GRAMD1B: variants seen among roughly 807,000 people sequenced by gnomAD.
GRAMD1B encodes protein Aster-B.
Under a neutral mutation model 99.7 loss-of-function variants are expected in GRAMD1B, and 37 were observed. That is an observed-to-expected ratio of 0.37 (90% CI 0.29 to 0.49). GRAMD1B has a LOEUF of 0.49. Ranked by LOEUF, GRAMD1B falls within the 20% of genes least tolerant of loss-of-function variation. The probability of loss-of-function intolerance (pLI) is 0.98; values close to 1 mark genes in which losing one functional copy is unlikely to be tolerated. For missense variants in GRAMD1B, 888 were observed against 1,009.2 expected (o/e 0.88, Z 1.63); for synonymous variants, 427 against 387.6 (o/e 1.10, Z -1.19).
intron 2 of GRAMD1B, among the ~76,000 whole-genome samples, chr11:123,505,544 T>A (rs1175604627): frequency 6.6e-6 from 1 of 152,214 alleles, no homozygotes; most frequent in Non-Finnish European, 1.5e-5. Context: ...ACAACTCTAA[T>A]CCCTTTACAT....
At chr11:123,617,169 C>CTTTTTTTTTTTTTTT (rs34788392) in intron 17 of GRAMD1B, among the ~76,000 whole-genome samples, 3 of 133,674 alleles carry the variant, frequency 2.2e-5, no homozygotes, top group Admixed American at 7.6e-5. Context: ...TCTTTCTTTC[C>CTTTTTTTTTTTTTTT]TTTTTTTTTT....
intron 2 of GRAMD1B, among the ~76,000 whole-genome samples, chr11:123,487,601 T>C (rs1397487414): frequency 6.6e-6 from 1 of 152,128 alleles, no homozygotes; most frequent in African/African-American, 2.4e-5. Flanking sequence ...TACGTTTTTT[T>C]GTTTGTTTGA....
chr11:123,579,145 G>C (rs1349565395), intron 3 of GRAMD1B, among the ~76,000 whole-genome samples: 1 of 152,228 alleles, frequency 6.6e-6, no homozygotes, highest in African/African-American at 2.4e-5. Flanking sequence ...TGTGGCCAGT[G>C]CCAGAGTCTT....
chr11:123,468,094 CCTCGTGAT>C (rs1294247358), intron 1 of GRAMD1B, among the ~76,000 whole-genome samples: 3 of 152,002 alleles, frequency 2.0e-5, no homozygotes, highest in African/African-American at 7.3e-5. Context: ...AATCTCTTGA[CCTCGTGAT>C]CCACCCGCCT....
Position 123,430,626 on chromosome 11 carries a change from G to C in GRAMD1B, c.-167G>C. The stretch of plus-strand genomic sequence containing the variant: ...ACTCCGGGCGGCGGCGCGCTACGCC[G>C]CGTCCCCTCGCGTCCCTTCCTCGCT... On this transcript the variant is annotated 5_prime_UTR_variant, in exon 1 of 20. Transcript: ENST00000635736. 1 of 484,230 alleles carries C rather than the reference G, an allele frequency of 2.1e-6. No homozygotes were observed. The highest frequency in any genetic ancestry group is 3.6e-6 in the Non-Finnish European group (1 of 276,458). The allele number at this position is 484,230 out of a possible 1,614,324, so 30.0% of individuals were successfully genotyped here. A position where few individuals can be genotyped will look rare whatever the true frequency, so the allele number is the denominator to read the frequency against.
At chr11:123,433,068 G>C (rs1466094052) in intron 1 of GRAMD1B, among the ~76,000 whole-genome samples, 1 of 152,102 alleles carries the variant, frequency 6.6e-6, no homozygotes, top group Non-Finnish European at 1.5e-5. Flanking sequence ...AAAGTAGTTT[G>C]TCAGGCCAGG....
rs552680946 is a variant in GRAMD1B at position 123,507,672 on chromosome 11, A to G, written c.452+26779A>G. Among the ~76,000 whole-genome samples the G allele has an allele frequency of 1.9e-3, 284 of 152,354 alleles. 2 individuals carry two copies. The highest frequency in any genetic ancestry group is 2.4e-3 in the Non-Finnish European group (165 of 68,034). On this transcript the variant is annotated intron_variant, in intron 2 of 19. Coordinates refer to ENST00000635736, the MANE Select transcript of GRAMD1B (RefSeq NM_001387025.1). The stretch of plus-strand genomic sequence containing the variant: ...AAGCAATTTTCACTGTACATAGGAC[A>G]TAGGAGATTGGTTTAAATGTATATA...
intron 2 of GRAMD1B, among the ~76,000 whole-genome samples, chr11:123,491,113 ACC>A (rs1938509219): frequency 6.6e-6 from 1 of 152,094 alleles, no homozygotes; most frequent in South Asian, 2.1e-4. Flanking sequence ...TGGGTGGATC[ACC>A]TGAGGTCGGG....
chr11:123,596,141 G>A, intron 7 of GRAMD1B, 104 bp downstream of exon 7: 1 of 662,258 alleles, frequency 1.5e-6, no homozygotes, highest in South Asian at 1.9e-5. Flanking sequence ...CAATAGGATT[G>A]GGATGAGAGG....
At chr11:123,428,557 T>C (rs1278687669), upstream of GRAMD1B, among the ~76,000 whole-genome samples, 2 of 152,212 alleles carry the variant, frequency 1.3e-5, no homozygotes, top group Non-Finnish European at 2.9e-5. Context: ...TTTCCCTTGG[T>C]TTCCCAGCCT....
intron 1 of GRAMD1B, among the ~76,000 whole-genome samples, chr11:123,466,893 G>A (rs2134588183): frequency 6.6e-6 from 1 of 152,306 alleles, no homozygotes; most frequent in South Asian, 2.1e-4. Flanking sequence ...TGAGGCCAAG[G>A]AAGCTAGTAG....
intron 1 of GRAMD1B, among the ~76,000 whole-genome samples, chr11:123,363,915 C>G (rs568194832): frequency 6.6e-6 from 1 of 152,076 alleles, no homozygotes; most frequent in Non-Finnish European, 1.5e-5. Flanking sequence ...AATGCATGCC[C>G]GTTTGCACAT....
At chr11:123,590,659 C>A (rs747625163) in intron 4 of GRAMD1B, among the ~76,000 whole-genome samples, 1 of 152,174 alleles carries the variant, frequency 6.6e-6, no homozygotes, top group Non-Finnish European at 1.5e-5. Context: ...GTCAGGCGAG[C>A]AGAGCAGGGG....
intron 9 of GRAMD1B, among the ~76,000 whole-genome samples, chr11:123,603,853 G>C (rs1952333877): frequency 6.6e-6 from 1 of 152,246 alleles, no homozygotes; most frequent in African/African-American, 2.4e-5. Context: ...AGGGGAACCA[G>C]GGCAGAGGCA....
chr11:123,609,407 G>C (rs1953217860), intron 12 of GRAMD1B, among the ~76,000 whole-genome samples: 1 of 152,172 alleles, frequency 6.6e-6, no homozygotes, highest in South Asian at 2.1e-4. Flanking sequence ...GATCCTGTGT[G>C]CCAAGAGGAG....
chr11:123,588,601 T>C (rs981616390), intron 4 of GRAMD1B, among the ~76,000 whole-genome samples: 2 of 152,228 alleles, frequency 1.3e-5, no homozygotes. Flanking sequence ...CCTTGGAAAA[T>C]GGACTTGCTA....
intron 3 of GRAMD1B, among the ~76,000 whole-genome samples, chr11:123,578,040 C>A (rs1294573764): frequency 6.6e-6 from 1 of 152,186 alleles, no homozygotes; most frequent in Non-Finnish European, 1.5e-5. Flanking sequence ...TTGGTACTCA[C>A]CTGGCAGAGA....
At chr11:123,608,880 C>T (rs1276653204) in intron 12 of GRAMD1B, 78 bp downstream of exon 12, 1 of 996,378 alleles carries the variant, frequency 1.0e-6, no homozygotes, top group Admixed American at 2.4e-5. Flanking sequence ...TGCTTCCTTC[C>T]CTTCCTTATT....
chr11:123,383,493 A>T (rs1264258931), intron 1 of GRAMD1B, among the ~76,000 whole-genome samples: 1 of 152,184 alleles, frequency 6.6e-6, no homozygotes, highest in African/African-American at 2.4e-5. Context: ...ATGTATCTTT[A>T]TCTGTGTCAG....
Sources: allele counts gnomAD v4.1 joint callset (sites outside exome capture counted in the v4.1 genomes callset), GRCh38; gene constraint gnomAD v4.1.1; transcripts MANE v1.5; gene names NCBI Gene and HGNC (gene_info 2026-07-23, HGNC 2026-07-21).